Variants in PXDNL observed in about 807,000 individuals in gnomAD.
The protein encoded by PXDNL is probable oxidoreductase PXDNL.
PXDNL carries 145 observed loss-of-function variants against 150.8 expected under a neutral mutation model. The ratio of observed to expected loss-of-function variants is 0.96; its 90% CI spans 0.84 to 1.10. The LOEUF (loss-of-function observed/expected upper bound fraction) is 1.10. Among genes scored for constraint, PXDNL ranks in the 50% least tolerant of loss-of-function variants. PXDNL has a pLI of 0.00. For missense variants in PXDNL, 2,087 were observed against 1,873.9 expected (o/e 1.11, Z -2.10); for synonymous variants, 757 against 725.7 (o/e 1.04, Z -0.69).
chr8:51,499,287 G>T (rs1811128444), intron 5 of PXDNL, among the ~76,000 whole-genome samples: 1 of 152,088 alleles, frequency 6.6e-6, no homozygotes, highest in African/African-American at 2.4e-5. Context: ...GTGCCACCAG[G>T]TCCAGCTACT....
At position 51,718,063 on chromosome 8, in the gene PXDNL, A is replaced by G. The variant is rs1025779680; in HGVS notation, c.165-63303T>C. On this transcript the variant is annotated intron_variant, in intron 1 of 22. Transcript: ENST00000356297. ...CTTCTCTAATCAAGAGAAAGCAGAG[A>G]GCAGTCACCACTTGTCTTAAATGTC... 5.3e-5 allele frequency among the ~76,000 whole-genome samples: 8 copies of G among 152,212 alleles called. No individual in the cohort carries two copies. In the South Asian group the frequency reaches 1.7e-3, roughly 32 times the overall value.
intron 3 of PXDNL, among the ~76,000 whole-genome samples, chr8:51,583,333 A>T (rs79716249): frequency 6.6e-6 from 1 of 152,148 alleles, no homozygotes; most frequent in Admixed American, 6.5e-5. Flanking sequence ...CCAGCATCAC[A>T]TATGGAGAAA....
At chr8:51,433,471 C>T (rs949937176) in intron 12 of PXDNL, among the ~76,000 whole-genome samples, 22 of 151,870 alleles carry the variant, frequency 1.4e-4, no homozygotes, top group Admixed American at 4.6e-4. Context: ...ATATTTTGTA[C>T]AGAGATTAAG....
intron 2 of PXDNL, among the ~76,000 whole-genome samples, chr8:51,644,406 A>ATATGTATATATATACATATGTG (rs764867335): frequency 1.8e-3 from 43 of 23,376 alleles, no homozygotes; most frequent in Admixed American, 8.4e-3. Context: ...ATATATACAC[A>ATATGTATATATATACATATGTG]TGTGTGTGTA....
Position 51,533,212 on chromosome 8 carries a change from G to A in PXDNL, c.380+23628C>T, listed in dbSNP as rs568881994. 1.2e-4 allele frequency among the ~76,000 whole-genome samples: 18 copies of A among 152,114 alleles called. No individual in the cohort carries two copies. In the East Asian group the frequency reaches 1.4e-3, roughly 11 times the overall value. The stretch of plus-strand genomic sequence containing the variant: ...GTCACCCAGGCTGGAGCACAGTGGC[G>A]CAATCTCAGCTCACTGCAACCTCTG... On this transcript the variant is annotated intron_variant, in intron 4 of 22. Transcript: ENST00000356297.
chr8:51,721,110 C>T (rs1450718658), intron 1 of PXDNL, among the ~76,000 whole-genome samples: 2 of 152,186 alleles, frequency 1.3e-5, no homozygotes, highest in African/African-American at 4.8e-5. Context: ...AGCTTTGGCT[C>T]CAGGTTGAGC....
At chr8:51,547,400 CTAAA>C (rs1024680602) in intron 4 of PXDNL, among the ~76,000 whole-genome samples, 3 of 152,192 alleles carry the variant, frequency 2.0e-5, no homozygotes, top group South Asian at 4.1e-4. Context: ...AACCAGCACA[CTAAA>C]TAAAACTCCA....
At chr8:51,704,553 A>T (rs1816322907) in intron 1 of PXDNL, among the ~76,000 whole-genome samples, 1 of 152,240 alleles carries the variant, frequency 6.6e-6, no homozygotes, top group Non-Finnish European at 1.5e-5. Flanking sequence ...CTAGTTAAGA[A>T]CAAATTGTTT....
chr8:51,471,576 C>G (rs1389449095), intron 8 of PXDNL, among the ~76,000 whole-genome samples: 1 of 152,134 alleles, frequency 6.6e-6, no homozygotes, highest in African/African-American at 2.4e-5. Context: ...TTATATTCAG[C>G]TTTAAAACAA....
At chr8:51,681,120 G>C (rs1389018358) in intron 1 of PXDNL, among the ~76,000 whole-genome samples, 1 of 152,122 alleles carries the variant, frequency 6.6e-6, no homozygotes, top group African/African-American at 2.4e-5. Context: ...GTGGACCTGA[G>C]CATGCATGGA....
chr8:51,467,958 A>G (rs1377207524), intron 8 of PXDNL, among the ~76,000 whole-genome samples: 1 of 152,042 alleles, frequency 6.6e-6, no homozygotes, highest in East Asian at 1.9e-4. Context: ...CTACTGAGAG[A>G]CGTAAAGAAT....
intron 14 of PXDNL, among the ~76,000 whole-genome samples, chr8:51,415,514 G>A (rs1053492730): frequency 4.6e-5 from 7 of 152,106 alleles, no homozygotes; most frequent in African/African-American, 1.7e-4. Context: ...CACAAGAACA[G>A]CAAGAGGGAA....
At chr8:51,363,286 G>C (rs1337532777) in intron 19 of PXDNL, among the ~76,000 whole-genome samples, 1 of 152,132 alleles carries the variant, frequency 6.6e-6, no homozygotes, top group African/African-American at 2.4e-5. Context: ...AAGGTACCTG[G>C]GGGAAGACAT....
At chr8:51,586,039 C>T (rs1162414633) in intron 3 of PXDNL, among the ~76,000 whole-genome samples, 1 of 152,120 alleles carries the variant, frequency 6.6e-6, no homozygotes, top group Non-Finnish European at 1.5e-5. Flanking sequence ...AAATTCCTCC[C>T]ATCCCTGATT....
At chr8:51,787,153 C>T (rs1311455154) in intron 1 of PXDNL, among the ~76,000 whole-genome samples, 1 of 151,740 alleles carries the variant, frequency 6.6e-6, no homozygotes, top group East Asian at 1.9e-4. Context: ...TGACAATGCA[C>T]CTGGTCACCC....
intron 1 of PXDNL, among the ~76,000 whole-genome samples, chr8:51,667,248 G>A (rs1026292233): frequency 2.0e-5 from 3 of 152,150 alleles, no homozygotes; most frequent in African/African-American, 7.2e-5. Context: ...TGCCCCGACA[G>A]CCCACAGCTT....
intron 1 of PXDNL, among the ~76,000 whole-genome samples, chr8:51,705,292 C>G (rs548437588): frequency 2.6e-5 from 4 of 152,206 alleles, no homozygotes; most frequent in Admixed American, 6.5e-5. Context: ...GAGAATAGCC[C>G]TCATTTTTTC....
intron 1 of PXDNL, among the ~76,000 whole-genome samples, chr8:51,765,166 CT>C (rs1282410595): frequency 6.6e-6 from 1 of 152,148 alleles, no homozygotes; most frequent in East Asian, 1.9e-4. Context: ...CAAATCTCAT[CT>C]TGAATTGTAG....
intron 2 of PXDNL, among the ~76,000 whole-genome samples, chr8:51,648,748 T>C (rs1283081839): frequency 1.3e-5 from 2 of 152,210 alleles, no homozygotes. Flanking sequence ...CTTTTATAGA[T>C]ATGGAAACTA....
Sources: gnomAD v4.1 joint callset for allele counts (sites outside exome capture counted in the v4.1 genomes callset) on GRCh38, gnomAD v4.1.1 for gene constraint, MANE v1.5 for transcripts, NCBI Gene and HGNC (gene_info 2026-07-23, HGNC 2026-07-21) for gene names.